The following GABRB1 variants were observed in gnomAD, a reference collection of about 807,000 sequenced individuals.
GABRB1 encodes gamma-aminobutyric acid type A receptor subunit beta1.
Under a neutral mutation model 51.6 loss-of-function variants are expected in GABRB1, and 17 were observed. The ratio of observed to expected loss-of-function variants is 0.33; its 90% CI spans 0.23 to 0.49. The LOEUF (loss-of-function observed/expected upper bound fraction) is 0.49, where lower values mean the gene tolerates loss of function less well. GABRB1 is among the 20% of genes least tolerant of loss of function. The probability of loss-of-function intolerance (pLI) is 0.99; values close to 1 mark genes in which losing one functional copy is unlikely to be tolerated. For missense variants in GABRB1, 410 were observed against 600.6 expected (o/e 0.68, Z 3.32); for synonymous variants, 247 against 218.9 (o/e 1.13, Z -1.14).
intron 3 of GABRB1, among the ~76,000 whole-genome samples, chr4:47,135,683 T>A (rs1262489396): frequency 6.6e-6 from 1 of 152,142 alleles, no homozygotes; most frequent in East Asian, 1.9e-4. Flanking sequence ...TGTCTCTACG[T>A]TCTTTCACCT....
At chr4:47,017,640 A>C (rs1249945114) in intron 1 of GABRB1, among the ~76,000 whole-genome samples, 1 of 152,160 alleles carries the variant, frequency 6.6e-6, no homozygotes, top group Non-Finnish European at 1.5e-5. Context: ...ACTCACACAC[A>C]CACACACACA....
intron 4 of GABRB1, among the ~76,000 whole-genome samples, chr4:47,195,498 GATA>G: frequency 7.8e-6 from 1 of 127,780 alleles, no homozygotes; most frequent in African/African-American, 2.9e-5. Flanking sequence ...TAGATAGATA[GATA>G]GATAGAATAA....
intron 1 of GABRB1, among the ~76,000 whole-genome samples, chr4:47,007,895 A>ATATATATATATATATATATAT (rs375965914): frequency 0.016 from 285 of 17,440 alleles, 19 homozygotes; most frequent in South Asian, 0.038. Flanking sequence ...TATATATATA[A>ATATATATATATATATATATAT]AATCAAGTTT....
chr4:47,381,648 C>T (rs1727602407), intron 5 of GABRB1, among the ~76,000 whole-genome samples: 1 of 152,182 alleles, frequency 6.6e-6, no homozygotes, highest in South Asian at 2.1e-4. Flanking sequence ...TTGGAAGAGG[C>T]TGTCTAACCT....
At chr4:47,223,409 T>A (rs1720837511) in intron 4 of GABRB1, among the ~76,000 whole-genome samples, 1 of 152,106 alleles carries the variant, frequency 6.6e-6, no homozygotes, top group Non-Finnish European at 1.5e-5. Context: ...TATAGTAAAA[T>A]AAAATATATA....
At chr4:47,314,605 T>A (rs1433433006) in intron 4 of GABRB1, among the ~76,000 whole-genome samples, 1 of 151,944 alleles carries the variant, frequency 6.6e-6, no homozygotes, top group Admixed American at 6.6e-5. Context: ...AATATTGGAT[T>A]CTAATTTTAT....
At position 47,159,818 on chromosome 4, in the gene GABRB1, T is replaced by A. The variant is rs559736271; in HGVS notation, c.241-1431T>A. On this transcript the variant is annotated intron_variant, in intron 3 of 8. Coordinates refer to ENST00000295454, the MANE Select transcript of GABRB1 (RefSeq NM_000812.4). ...AGATGTTAGACATGATTCTAATCAT[T>A]CTTTTTCCCCACTGGTATATATAAC... Among the ~76,000 whole-genome samples, 21 of 152,192 alleles carry A rather than the reference T, an allele frequency of 1.4e-4. No homozygotes were observed. In the South Asian group the frequency reaches 4.3e-3, roughly 32 times the overall value.
At position 47,403,298 on chromosome 4, in the gene GABRB1, G is replaced by T. The variant is rs1364791798; in HGVS notation, c.545-20G>T. 9 of 1,612,304 alleles carry T rather than the reference G, an allele frequency of 5.6e-6. No homozygotes were observed. The highest frequency in any genetic ancestry group is 1.3e-5 in the African/African-American group (1 of 74,934). On this transcript the variant is annotated intron_variant, in intron 5 of 8. Coordinates refer to ENST00000295454, the MANE Select transcript of GABRB1 (RefSeq NM_000812.4). ...GATTTCCTAAACTTTGTTTAACCGTGCTGTTTTTATTGGTTTCAGATGGCT... is the reference window on the plus strand; with the variant it reads ...GATTTCCTAAACTTTGTTTAACCGTTCTGTTTTTATTGGTTTCAGATGGCT...
At chr4:47,188,003 C>A (rs1719258524) in intron 4 of GABRB1, among the ~76,000 whole-genome samples, 1 of 151,910 alleles carries the variant, frequency 6.6e-6, no homozygotes, top group South Asian at 2.1e-4. Context: ...ATTTGTTTTT[C>A]ATCTTAGCAA....
chr4:47,352,535 G>C (rs982792602), intron 5 of GABRB1, among the ~76,000 whole-genome samples: 1 of 152,084 alleles, frequency 6.6e-6, no homozygotes, highest in Non-Finnish European at 1.5e-5. Context: ...CTGGCAAACC[G>C]AATCCAGCAG....
intron 3 of GABRB1, among the ~76,000 whole-genome samples, chr4:47,123,605 CATATATTATAATATATT>C (rs1322044001): frequency 3.4e-5 from 1 of 29,418 alleles, no homozygotes; most frequent in Non-Finnish European, 5.7e-5. Flanking sequence ...TACATTATTT[CATATATTATAATATATT>C]ATATATTATA....
rs181007931 is a variant in GABRB1 at position 47,079,489 on chromosome 4, C to T, written c.240+47005C>T. Reference sequence around the variant, plus strand: ...TTTATCATTTTTTTTTGACCCATCTCATTACTGGGTATATACCCAAAGGAT... The same window carrying T: ...TTTATCATTTTTTTTTGACCCATCTTATTACTGGGTATATACCCAAAGGAT... On this transcript the variant is annotated intron_variant, in intron 3 of 8. Coordinates refer to ENST00000295454, the MANE Select transcript of GABRB1 (RefSeq NM_000812.4). 2.9e-3 allele frequency among the ~76,000 whole-genome samples: 433 copies of T among 151,868 alleles called. 2 individuals are homozygous for T. Among genetic ancestry groups the T allele is most frequent in the African/African-American group, 9.1e-3 (376 of 41,408 alleles).
chr4:47,007,535 T>G (rs1724444520), intron 1 of GABRB1, among the ~76,000 whole-genome samples: 1 of 152,214 alleles, frequency 6.6e-6, no homozygotes, highest in African/African-American at 2.4e-5. Flanking sequence ...GAGAGAATGC[T>G]GCACCTAATA....
chr4:47,141,071 G>A (rs1716911433), intron 3 of GABRB1, among the ~76,000 whole-genome samples: 1 of 151,698 alleles, frequency 6.6e-6, no homozygotes, highest in Non-Finnish European at 1.5e-5. Flanking sequence ...CCATCAGTTA[G>A]AGTGTACAAC....
intron 4 of GABRB1, among the ~76,000 whole-genome samples, chr4:47,260,722 C>A (rs1053353618): frequency 3.9e-5 from 6 of 151,958 alleles, no homozygotes; most frequent in Admixed American, 3.9e-4. Flanking sequence ...GCTTCGATAC[C>A]AAAGCCGGGC....
chr4:47,312,335 A>C (rs1724722061), intron 4 of GABRB1, among the ~76,000 whole-genome samples: 2 of 152,240 alleles, frequency 1.3e-5, no homozygotes, highest in South Asian at 4.1e-4. Flanking sequence ...TTTTCTAAAC[A>C]GACTAGCCAA....
intron 4 of GABRB1, among the ~76,000 whole-genome samples, chr4:47,285,097 T>C (rs1291044668): frequency 6.6e-6 from 1 of 152,158 alleles, no homozygotes; most frequent in African/African-American, 2.4e-5. Flanking sequence ...GATTCTGAAA[T>C]AAAGGAAGCC....
chr4:47,279,952 G>T (rs1368591507), intron 4 of GABRB1, among the ~76,000 whole-genome samples: 1 of 151,014 alleles, frequency 6.6e-6, no homozygotes, highest in Non-Finnish European at 1.5e-5. Flanking sequence ...TCAGTCACTT[G>T]ATGTCTTTGG....
intron 3 of GABRB1, among the ~76,000 whole-genome samples, chr4:47,056,602 A>T (rs1361328019): frequency 6.6e-6 from 1 of 152,196 alleles, no homozygotes; most frequent in Non-Finnish European, 1.5e-5. Context: ...CTGGTTGGGA[A>T]TCCATGCCCT....
Sources: allele counts gnomAD v4.1 joint callset (sites outside exome capture counted in the v4.1 genomes callset), GRCh38; gene constraint gnomAD v4.1.1; transcripts MANE v1.5; gene names NCBI Gene and HGNC (gene_info 2026-07-23, HGNC 2026-07-21).